The following PLXNA4 variants were observed in gnomAD, a reference collection of about 807,000 sequenced individuals.
PLXNA4 encodes plexin-A4.
A neutral mutation model predicts 191.8 loss-of-function variants in PLXNA4; 44 were observed. The observed-to-expected ratio is 0.23, with a 90% CI of 0.18 to 0.29. The LOEUF (loss-of-function observed/expected upper bound fraction) is 0.29, where lower values mean the gene tolerates loss of function less well. Among genes scored for constraint, PLXNA4 ranks in the 10% least tolerant of loss-of-function variants. The pLI is 1.00. For missense variants in PLXNA4, 1,800 were observed against 2,488.8 expected, an observed-to-expected ratio of 0.72 and a Z score of 5.89; for synonymous variants, 1,082 against 1,009.5, an observed-to-expected ratio of 1.07 and a Z score of -1.36.
In PLXNA4 at chr7:132,125,620, T is replaced by C. The variant is rs1794747858; in HGVS notation, c.*4859A>G. 1 of 152,164 alleles carries C rather than the reference T, an allele frequency of 6.6e-6. No individual in the cohort carries two copies. The highest frequency in any genetic ancestry group is 6.5e-5 in the Admixed American group (1 of 15,276). 9.4% of individuals were successfully genotyped at this position (152,164 alleles called of 1,614,324 possible). ...GGCCCACAGTTTTGTTTTGTTTTGTTTTTTTTAAAGGAAGAGGCTGAGGGT... is the reference window on the plus strand; with the variant it reads ...GGCCCACAGTTTTGTTTTGTTTTGTCTTTTTTAAAGGAAGAGGCTGAGGGT... On this transcript the variant is annotated 3_prime_UTR_variant, in exon 32 of 32. Coordinates refer to ENST00000321063, the MANE Select transcript of PLXNA4 (RefSeq NM_020911.2).
chr7:132,196,696 G>C (rs1254915613), intron 13 of PLXNA4, among the ~76,000 whole-genome samples: 1 of 152,158 alleles, frequency 6.6e-6, no homozygotes, highest in Non-Finnish European at 1.5e-5. Context: ...TTTCCTTCTA[G>C]AAAGTTTGTC....
Position 132,127,643 on chromosome 7 carries a change from A to C in PLXNA4, c.*2836T>G, listed in dbSNP as rs898891600. 4.6e-5 allele frequency: 7 copies of C among 152,190 alleles called. No individual in the cohort carries two copies. The highest frequency in any genetic ancestry group is 1.7e-4 in the African/African-American group (7 of 41,450). 9.4% of individuals were successfully genotyped at this position (152,190 alleles called of 1,614,324 possible). On this transcript the variant is annotated 3_prime_UTR_variant, in exon 32 of 32. Coordinates refer to ENST00000321063, the MANE Select transcript of PLXNA4 (RefSeq NM_020911.2). The stretch of plus-strand genomic sequence containing the variant: ...GGCTGTGGCTCTGGATACCTGGCTC[A>C]AATTTCTCAGTCCCCAAGCAGGCCA...
At chr7:132,594,907 A>G (rs1196616125) in intron 2 of PLXNA4, among the ~76,000 whole-genome samples, 1 of 127,252 alleles carries the variant, frequency 7.9e-6, no homozygotes, top group African/African-American at 3.1e-5. Flanking sequence ...ACATAGATAG[A>G]TAGGTAGATA....
rs1389046993 is a variant in PLXNA4, at chr7:132,159,150, C to T, written c.4660+323G>A. On this transcript the variant is annotated intron_variant, in intron 25 of 31. Transcript: ENST00000321063. ...CTCTGCCCTTAAATCCCCTTCTTTC[C>T]AGATATGACTCCTTCATTTCCCACC... Among the ~76,000 whole-genome samples, 4 of 152,150 alleles carry T rather than the reference C, an allele frequency of 2.6e-5. No homozygotes were observed. The East Asian group carries it at 7.7e-4, about 29-fold the overall frequency.
intron 2 of PLXNA4, among the ~76,000 whole-genome samples, chr7:132,601,337 TCCC>T (rs1299720278): frequency 6.6e-6 from 1 of 151,744 alleles, no homozygotes; most frequent in Non-Finnish European, 1.5e-5. Context: ...CGTGAGAGAT[TCCC>T]CCCATTGTTT....
chr7:132,200,633 G>A (rs985244503), intron 12 of PLXNA4, among the ~76,000 whole-genome samples: 1 of 152,238 alleles, frequency 6.6e-6, no homozygotes, highest in East Asian at 1.9e-4. Flanking sequence ...GCCACCCCAA[G>A]GGGCTGCTTT....
rs536518908 is a variant in PLXNA4, at chr7:132,449,937, C to T, written c.1371+39355G>A. ...TTACAGACAAACTTACAGAGCTCAG[C>T]GGCTGTGACAGTCCCCCTGGGGGCC... is the stretch of plus-strand genomic sequence containing the variant. On this transcript the variant is annotated intron_variant, in intron 3 of 31. Coordinates refer to ENST00000321063, the MANE Select transcript of PLXNA4 (RefSeq NM_020911.2). Among the ~76,000 whole-genome samples the T allele has an allele frequency of 5.0e-4, 76 of 152,338 alleles. 1 individual carries two copies. The highest frequency in any genetic ancestry group is 1.6e-3 in the African/African-American group (68 of 41,574).
chr7:132,499,610 G>C (rs1209429722), intron 2 of PLXNA4, among the ~76,000 whole-genome samples: 1 of 152,188 alleles, frequency 6.6e-6, no homozygotes, highest in Non-Finnish European at 1.5e-5. Context: ...TCATTGAAGT[G>C]AGAAATACCA....
chr7:132,571,319 T>C (rs535748996), intron 1 of PLXNA4, among the ~76,000 whole-genome samples: 3 of 152,318 alleles, frequency 2.0e-5, no homozygotes, highest in African/African-American at 7.2e-5. Context: ...ATTTTCTTCA[T>C]GCAAATGGGG....
intron 21 of PLXNA4, among the ~76,000 whole-genome samples, chr7:132,170,994 G>A (rs1461580672): frequency 6.6e-6 from 1 of 152,130 alleles, no homozygotes; most frequent in Non-Finnish European, 1.5e-5. Context: ...CTTCGTGCCT[G>A]CCTCCCCCAG....
chr7:132,140,442 G>A (rs554870896), intron 30 of PLXNA4, among the ~76,000 whole-genome samples, 157 bp downstream of exon 30: 21 of 152,216 alleles, frequency 1.4e-4, no homozygotes, highest in South Asian at 1.2e-3. Context: ...CAGCAGCACT[G>A]GGACTTGGGG....
intron 3 of PLXNA4, among the ~76,000 whole-genome samples, chr7:132,374,895 C>T (rs1179316282): frequency 6.6e-6 from 1 of 152,214 alleles, no homozygotes; most frequent in Admixed American, 6.5e-5. Context: ...CACCCAGAGT[C>T]AGTTACAACT....
chr7:132,340,920 C>T (rs553973381), intron 3 of PLXNA4, among the ~76,000 whole-genome samples: 17 of 152,314 alleles, frequency 1.1e-4, no homozygotes, highest in African/African-American at 4.1e-4. Context: ...CTCAGGTGAT[C>T]TGCCTGCCTC....
chr7:132,382,995 C>T (rs1051086984), intron 3 of PLXNA4, among the ~76,000 whole-genome samples: 5 of 152,154 alleles, frequency 3.3e-5, no homozygotes, highest in South Asian at 2.1e-4. Flanking sequence ...TTATGGGCAA[C>T]GATTTTCCTT....
intron 1 of PLXNA4, among the ~76,000 whole-genome samples, chr7:132,552,401 C>T (rs1386220847): frequency 1.3e-5 from 2 of 152,146 alleles, no homozygotes; most frequent in African/African-American, 4.8e-5. Flanking sequence ...ACTCTTACCC[C>T]CCTTCAAAAA....
At chr7:132,551,757 C>T (rs937861443) in intron 1 of PLXNA4, among the ~76,000 whole-genome samples, 13 of 152,192 alleles carry the variant, frequency 8.5e-5, no homozygotes, top group African/African-American at 1.7e-4. Context: ...ATTTAAGCCC[C>T]GGAAAAACCT....
In PLXNA4 at chr7:132,227,494, G is replaced by A; in HGVS notation, c.1839C>T (p.Tyr613=). The A allele has an allele frequency of 1.2e-6, 2 of 1,614,226 alleles. No individual in the cohort carries two copies. Among genetic ancestry groups the A allele is most frequent in the Non-Finnish European group, 1.7e-6 (2 of 1,180,048 alleles). Residue 613 remains tyrosine, a synonymous_variant, in exon 7 of 32, where the codon TAC becomes TAT. Coordinates refer to ENST00000321063, the MANE Select transcript of PLXNA4 (RefSeq NM_020911.2). ...GGGGCACCTCCTTGGCTGCAGGGGA[G>A]TAGCACTGGATCTGATTGCCCACGA... ...GLVVGNQIQC[Y]SPAAKEVPRI...
intron 2 of PLXNA4, among the ~76,000 whole-genome samples, chr7:132,644,865 C>T (rs1047922766): frequency 1.3e-5 from 2 of 152,214 alleles, no homozygotes; most frequent in African/African-American, 4.8e-5. Flanking sequence ...CAAGGCCCAC[C>T]TCCCTCTCTC....
intron 14 of PLXNA4, among the ~76,000 whole-genome samples, chr7:132,192,493 C>CAAGG (rs1264962894): frequency 7.3e-6 from 1 of 137,916 alleles, no homozygotes; most frequent in Non-Finnish European, 1.5e-5. Flanking sequence ...AGAAAGGAAG[C>CAAGG]AAGGAAGGAA....
Sources: allele counts gnomAD v4.1 joint callset (sites outside exome capture counted in the v4.1 genomes callset), GRCh38; gene constraint gnomAD v4.1.1; transcripts MANE v1.5; gene names NCBI Gene and HGNC (gene_info 2026-07-23, HGNC 2026-07-21).